The following TAFA2 variants were observed in gnomAD, a reference collection of about 807,000 sequenced individuals.
TAFA2 encodes TAFA chemokine like family member 2, also known as chemokine-like protein TAFA-2.
Under a neutral mutation model 18.8 loss-of-function variants are expected in TAFA2, and 7 were observed. That is an observed-to-expected ratio of 0.37 (90% CI 0.21 to 0.70). TAFA2 has a LOEUF of 0.70. TAFA2 is among the 30% of genes least tolerant of loss of function. The probability of loss-of-function intolerance (pLI) is 0.53; values close to 1 mark genes in which losing one functional copy is unlikely to be tolerated. For synonymous variants in TAFA2, 60 were observed against 54.2 expected, an observed-to-expected ratio of 1.11 and a Z score of -0.47; for missense variants, 122 against 158.1, an observed-to-expected ratio of 0.77 and a Z score of 1.23.
At chr12:62,227,774 TTATTTTA>T (rs1198147223) in intron 1 of TAFA2, among the ~76,000 whole-genome samples, 3 of 152,344 alleles carry the variant, frequency 2.0e-5, no homozygotes, top group Admixed American at 6.5e-5. Context: ...TAATCCATTT[TTATTTTA>T]TTTGTGTATA....
At chr12:62,122,073 G>C (rs1349616696) in intron 1 of TAFA2, among the ~76,000 whole-genome samples, 3 of 152,196 alleles carry the variant, frequency 2.0e-5, no homozygotes, top group Non-Finnish European at 1.5e-5. Flanking sequence ...CCTTTGGAGG[G>C]TGAAGGGTGG....
intron 2 of TAFA2, among the ~76,000 whole-genome samples, chr12:61,811,419 G>A (rs1871863516): frequency 6.6e-6 from 1 of 151,330 alleles, no homozygotes; most frequent in East Asian, 1.9e-4. Context: ...TAAGAAACCA[G>A]CAAGAGAACG....
At chr12:62,058,442 A>C (rs1882243428) in intron 1 of TAFA2, among the ~76,000 whole-genome samples, 1 of 152,208 alleles carries the variant, frequency 6.6e-6, no homozygotes, top group African/African-American at 2.4e-5. Context: ...AGTGCTCACT[A>C]TGTGCTGGGC....
At chr12:61,824,705 G>A (rs1872468539) in intron 2 of TAFA2, among the ~76,000 whole-genome samples, 1 of 152,122 alleles carries the variant, frequency 6.6e-6, no homozygotes, top group South Asian at 2.1e-4. Context: ...ATAGTAAGAA[G>A]TCTTAAATTC....
At position 62,102,701 on chromosome 12, in the gene TAFA2, A is replaced by G. The variant is rs1275996448; in HGVS notation, c.-2+88558T>C. On this transcript the variant is annotated intron_variant, in intron 1 of 4. Coordinates refer to ENST00000416284, the MANE Select transcript of TAFA2 (RefSeq NM_178539.5). Reference sequence around the variant, plus strand: ...CCTAAATCTGAACAATTCCTGTATTATGATACAATAATGTACTCTGGACCC... The same window carrying G: ...CCTAAATCTGAACAATTCCTGTATTGTGATACAATAATGTACTCTGGACCC... Among the ~76,000 whole-genome samples the G allele has an allele frequency of 4.6e-5, 7 of 152,258 alleles. No individual in the cohort carries two copies. In the East Asian group the frequency reaches 1.3e-3, roughly 29 times the overall value.
At chr12:62,137,480 C>G (rs180849155) in intron 1 of TAFA2, among the ~76,000 whole-genome samples, 41 of 152,224 alleles carry the variant, frequency 2.7e-4, no homozygotes, top group African/African-American at 9.4e-4. Flanking sequence ...AATTTAGGTT[C>G]TAACTCGGAA....
intron 1 of TAFA2, among the ~76,000 whole-genome samples, chr12:62,001,233 TAGC>T (rs1384538034): frequency 6.6e-6 from 1 of 152,116 alleles, no homozygotes; most frequent in East Asian, 1.9e-4. Flanking sequence ...ACACAATATA[TAGC>T]AGCAGTCCCC....
rs534536264 is a variant in TAFA2, at chr12:62,055,900, A to T, written c.-2+135359T>A. 2.0e-5 allele frequency among the ~76,000 whole-genome samples: 3 copies of T among 152,304 alleles called. No individual in the cohort carries two copies. The East Asian group carries it at 5.8e-4, about 29-fold the overall frequency. On this transcript the variant is annotated intron_variant, in intron 1 of 4. Transcript: ENST00000416284. ...ACAATTAAAATCCATTTCTTATTATAGGTTACTGTCAAAAACCTTTGAAAG... is the reference window on the plus strand; with the variant it reads ...ACAATTAAAATCCATTTCTTATTATTGGTTACTGTCAAAAACCTTTGAAAG...
intron 1 of TAFA2, among the ~76,000 whole-genome samples, chr12:61,945,995 C>A (rs1364812417): frequency 8.8e-6 from 1 of 114,168 alleles, no homozygotes; most frequent in Non-Finnish European, 1.7e-5. Flanking sequence ...GCCCGCATCG[C>A]CAAGTCAATC....
intron 1 of TAFA2, among the ~76,000 whole-genome samples, chr12:61,952,148 A>T (rs11174251): frequency 0.087 from 13,283 of 152,086 alleles, 654 homozygotes; most frequent in East Asian, 0.22. Flanking sequence ...AAATTCTATC[A>T]TCTGTTTAGG....
chr12:62,249,382 A>C (rs2062901667), intron 1 of TAFA2, among the ~76,000 whole-genome samples: 1 of 152,032 alleles, frequency 6.6e-6, no homozygotes, highest in African/African-American at 2.4e-5. Flanking sequence ...CCTTTGGCTT[A>C]AATTAACTCT....
intron 2 of TAFA2, among the ~76,000 whole-genome samples, chr12:61,805,677 T>C (rs956277240): frequency 2.0e-5 from 3 of 152,096 alleles, no homozygotes; most frequent in South Asian, 4.1e-4. Flanking sequence ...AATGAATATA[T>C]ACCTGCAGAA....
intron 1 of TAFA2, among the ~76,000 whole-genome samples, chr12:61,999,632 C>T (rs1880314284): frequency 6.6e-6 from 1 of 152,112 alleles, no homozygotes; most frequent in South Asian, 2.1e-4. Flanking sequence ...GTATTTAATC[C>T]ACCTGTGCCT....
At chr12:61,769,181 G>T (rs567904632) in intron 2 of TAFA2, among the ~76,000 whole-genome samples, 2 of 151,392 alleles carry the variant, frequency 1.3e-5, no homozygotes, top group Admixed American at 1.3e-4. Flanking sequence ...CAAAGCAGCT[G>T]CAGTAAGACC....
intron 1 of TAFA2, among the ~76,000 whole-genome samples, chr12:61,899,746 A>C (rs1876014982): frequency 6.6e-6 from 1 of 152,212 alleles, no homozygotes; most frequent in Non-Finnish European, 1.5e-5. Context: ...ATATTCAAAA[A>C]ATTAAAAACT....
chr12:61,978,717 G>A (rs980413209), intron 1 of TAFA2, among the ~76,000 whole-genome samples: 4 of 151,984 alleles, frequency 2.6e-5, no homozygotes, highest in Non-Finnish European at 5.9e-5. Context: ...AGAACGCCTG[G>A]AGAAGCAGGA....
chr12:61,938,477 G>C (rs568627659), intron 1 of TAFA2, among the ~76,000 whole-genome samples: 45 of 152,158 alleles, frequency 3.0e-4, no homozygotes, highest in Non-Finnish European at 4.4e-4. Context: ...TGAGGGTGGA[G>C]AATAAGAGGA....
chr12:61,767,503 G>T (rs1247186713), intron 2 of TAFA2, among the ~76,000 whole-genome samples: 1 of 151,806 alleles, frequency 6.6e-6, no homozygotes, highest in Admixed American at 6.6e-5. Flanking sequence ...CACATATGTG[G>T]TATGCTTTGA....
intron 2 of TAFA2, among the ~76,000 whole-genome samples, chr12:61,861,537 A>C (rs1226952899): frequency 6.6e-6 from 1 of 152,198 alleles, no homozygotes; most frequent in Non-Finnish European, 1.5e-5. Flanking sequence ...TTATAGGAGT[A>C]AGCCATTGTG....
Sources: gnomAD v4.1 joint callset for allele counts (sites outside exome capture counted in the v4.1 genomes callset) on GRCh38, gnomAD v4.1.1 for gene constraint, MANE v1.5 for transcripts, NCBI Gene and HGNC (gene_info 2026-07-23, HGNC 2026-07-21) for gene names.